COG5: variants seen among roughly 807,000 people sequenced by gnomAD.
COG5 encodes conserved oligomeric Golgi complex subunit 5.
COG5 carries 86 observed loss-of-function variants against 110.4 expected under a neutral mutation model. That is an observed-to-expected ratio of 0.78 (90% confidence interval 0.65 to 0.93). The LOEUF is 0.93. Ranked by LOEUF, COG5 falls within the 40% of genes least tolerant of loss-of-function variation. The pLI is 0.00. For missense variants in COG5, 1,077 were observed against 987.0 expected (o/e 1.09, Z -1.22); for synonymous variants, 360 against 334.6 (o/e 1.08, Z -0.83).
chr7:107,330,239 C>T (rs960066018), intron 10 of COG5, among the ~76,000 whole-genome samples: 3 of 152,144 alleles, frequency 2.0e-5, no homozygotes, highest in African/African-American at 7.2e-5. Flanking sequence ...TAAATACAAA[C>T]AGTATAATTC....
At chr7:107,287,106 G>A (rs1286598798) in intron 12 of COG5, among the ~76,000 whole-genome samples, 5 of 152,208 alleles carry the variant, frequency 3.3e-5, no homozygotes, top group African/African-American at 1.2e-4. Flanking sequence ...TGGGGGAAGA[G>A]GAGGTTATGC....
chr7:107,460,646 T>C (rs1485876482), intron 6 of COG5, among the ~76,000 whole-genome samples: 2 of 152,036 alleles, frequency 1.3e-5, no homozygotes, highest in Non-Finnish European at 2.9e-5. Flanking sequence ...ATAACAACAT[T>C]GTTCATTAAG....
chr7:107,427,635 C>T (rs911537160), intron 6 of COG5, among the ~76,000 whole-genome samples: 1 of 151,992 alleles, frequency 6.6e-6, no homozygotes, highest in Non-Finnish European at 1.5e-5. Flanking sequence ...GACGCCTCCA[C>T]CGAAGCCTCG....
At chr7:107,511,765 C>T (rs1325456211) in intron 6 of COG5, among the ~76,000 whole-genome samples, 1 of 152,136 alleles carries the variant, frequency 6.6e-6, no homozygotes, top group East Asian at 1.9e-4. Flanking sequence ...AAATGTAATC[C>T]AGCATATAAA....
At chr7:107,444,732 C>G (rs561697752) in intron 6 of COG5, among the ~76,000 whole-genome samples, 7 of 152,016 alleles carry the variant, frequency 4.6e-5, no homozygotes, top group Admixed American at 3.3e-4. Flanking sequence ...AAAAGAATAG[C>G]GATTTTCACA....
At chr7:107,484,909 T>A (rs952095716) in intron 6 of COG5, among the ~76,000 whole-genome samples, 1 of 152,172 alleles carries the variant, frequency 6.6e-6, no homozygotes, top group Non-Finnish European at 1.5e-5. Flanking sequence ...TCAGACTGTG[T>A]AGAAAGAGGA....
intron 17 of COG5, 60 bp from the exon 18 acceptor site, chr7:107,236,747 T>A: frequency 9.5e-7 from 1 of 1,054,732 alleles, no homozygotes; most frequent in Non-Finnish European, 1.5e-6. Context: ...TCTTTGATTT[T>A]GTACCCCTCT....
rs1489644098 is a variant in COG5, at chr7:107,548,320, ATCT to A, written c.302_304del (p.Gln101_Met102delinsLeu). On this transcript the variant is annotated inframe_deletion, in exon 4 of 22. Coordinates refer to ENST00000297135, the MANE Select transcript of COG5 (RefSeq NM_006348.5). ...TAAAGCCCCAATTCTCGTCTGCATC[ATCT>A]GAAGAACACCTAGGAAAACATAAGT... The A allele has an allele frequency of 1.2e-6, 2 of 1,613,950 alleles. No homozygotes were observed. Among genetic ancestry groups the A allele is most frequent in the Non-Finnish European group, 1.7e-6 (2 of 1,179,822 alleles).
intron 7 of COG5, among the ~76,000 whole-genome samples, chr7:107,402,899 A>C (rs1267190929): frequency 1.3e-5 from 2 of 152,260 alleles, no homozygotes; most frequent in Non-Finnish European, 2.9e-5. Context: ...AGAAGTAATA[A>C]GACTTTTGTA....
At chr7:107,393,891 A>G (rs1390783493) in intron 7 of COG5, among the ~76,000 whole-genome samples, 1 of 152,190 alleles carries the variant, frequency 6.6e-6, no homozygotes, top group East Asian at 1.9e-4. Context: ...TCTTCTATGA[A>G]ATTTCCTAAC....
chr7:107,475,822 T>A (rs1042173939), intron 6 of COG5, among the ~76,000 whole-genome samples: 11 of 151,722 alleles, frequency 7.3e-5, no homozygotes, highest in Non-Finnish European at 1.3e-4. Flanking sequence ...TCCAGTATTT[T>A]CCATACCACT....
chr7:107,420,673 G>C (rs1269313095), intron 6 of COG5, among the ~76,000 whole-genome samples: 2 of 152,144 alleles, frequency 1.3e-5, no homozygotes, highest in African/African-American at 4.8e-5. Context: ...ATGTTAGCCA[G>C]GATGGTCTCG....
chr7:107,536,280 C>T (rs766301116), intron 5 of COG5, among the ~76,000 whole-genome samples: 1 of 152,018 alleles, frequency 6.6e-6, no homozygotes, highest in Non-Finnish European at 1.5e-5. Flanking sequence ...GGCAATCAGG[C>T]AAGAGAAAGA....
At chr7:107,510,464 C>A (rs1328688319) in intron 6 of COG5, among the ~76,000 whole-genome samples, 1 of 152,110 alleles carries the variant, frequency 6.6e-6, no homozygotes, top group Admixed American at 6.5e-5. Context: ...CTTTAACAAC[C>A]CACTGTCAAC....
rs187604980 is a variant in COG5 at position 107,517,951 on chromosome 7, G to C, written c.538+9286C>G. 1.1e-4 allele frequency among the ~76,000 whole-genome samples: 17 copies of C among 152,112 alleles called. No homozygotes were observed. In the East Asian group the frequency reaches 3.1e-3, roughly 28 times the overall value. On this transcript the variant is annotated intron_variant, in intron 6 of 21. Coordinates refer to ENST00000297135, the MANE Select transcript of COG5 (RefSeq NM_006348.5). The stretch of plus-strand genomic sequence containing the variant: ...GACCTCGAGATCTGCCCGCCTCGGC[G>C]TCCCAAAGTGCTGGGATTACAGGCA...
At chr7:107,390,683 C>A (rs547769128) in intron 7 of COG5, among the ~76,000 whole-genome samples, 1 of 150,672 alleles carries the variant, frequency 6.6e-6, no homozygotes, top group Non-Finnish European at 1.5e-5. Flanking sequence ...GTTAGACCCC[C>A]GCTCCTGGGG....
chr7:107,473,030 A>T (rs1398277941), intron 6 of COG5: 1 of 151,630 alleles, frequency 6.6e-6, no homozygotes, highest in African/African-American at 2.4e-5. Context: ...ATTTTTTTTT[A>T]ATTTTTCTTC....
Position 107,203,399 on chromosome 7 carries a change from C to T in COG5, c.*117G>A, listed in dbSNP as rs1188726614. ...GTAAATAAACGTCGATAGGAAATAC[C>T]GAACAATCAATTACATTCTTAAAAT... is the stretch of plus-strand genomic sequence containing the variant. On this transcript the variant is annotated 3_prime_UTR_variant, in exon 22 of 22. Coordinates refer to ENST00000297135, the MANE Select transcript of COG5 (RefSeq NM_006348.5). 33 of 766,502 alleles carry T rather than the reference C, an allele frequency of 4.3e-5. No individual in the cohort carries two copies. In the East Asian group the frequency reaches 6.2e-4, roughly 14 times the overall value. 47.5% of individuals were successfully genotyped at this position (766,502 alleles called of 1,614,324 possible).
intron 7 of COG5, among the ~76,000 whole-genome samples, chr7:107,397,216 TAAC>T (rs778820889): frequency 6.6e-5 from 10 of 152,188 alleles, no homozygotes; most frequent in African/African-American, 1.2e-4. Context: ...AAGGATATTA[TAAC>T]AACACCTTTT....
Sources: allele counts gnomAD v4.1 joint callset (sites outside exome capture counted in the v4.1 genomes callset), GRCh38; gene constraint gnomAD v4.1.1; transcripts MANE v1.5; gene names NCBI Gene and HGNC (gene_info 2026-07-23, HGNC 2026-07-21).